The following ORC2 variants were observed in gnomAD, a reference collection of about 807,000 sequenced individuals.
ORC2 encodes the protein origin recognition complex protein 2 homolog.
A neutral mutation model predicts 77.7 loss-of-function variants in ORC2; 37 were observed. That is an observed-to-expected ratio of 0.48 (90% CI 0.37 to 0.63). ORC2 has a LOEUF of 0.63. ORC2 is among the 20% of genes least tolerant of loss of function. ORC2 has a pLI of 0.00. For synonymous variants in ORC2, 201 were observed against 229.5 expected, an observed-to-expected ratio of 0.88 and a Z score of 1.12; for missense variants, 557 against 661.9, an observed-to-expected ratio of 0.84 and a Z score of 1.74.
chr2:200,944,991 C>T (rs571627176), intron 5 of ORC2, among the ~76,000 whole-genome samples: 1 of 152,308 alleles, frequency 6.6e-6, no homozygotes, highest in South Asian at 2.1e-4. Flanking sequence ...CTTTATGTAG[C>T]CACACCATCC....
chr2:200,941,698 T>C (rs2041154951), intron 6 of ORC2, among the ~76,000 whole-genome samples: 1 of 151,892 alleles, frequency 6.6e-6, no homozygotes, highest in Admixed American at 6.6e-5. Flanking sequence ...TATTGAAAAG[T>C]ACAACTGTCC....
chr2:200,918,793 G>C lies in ORC2; in HGVS notation c.1466+1429C>G, dbSNP rs184256587. Among the ~76,000 whole-genome samples, 26 of 152,166 alleles carry C rather than the reference G, an allele frequency of 1.7e-4. No homozygotes were observed. The East Asian group carries it at 4.6e-3, about 27-fold the overall frequency. ...TGTGAGCTACCACACCCAGCTGACT[G>C]TTTATTCTTTAGGAAACTAAATTTT... On this transcript the variant is annotated intron_variant, in intron 15 of 17. Coordinates refer to ENST00000234296, the MANE Select transcript of ORC2 (RefSeq NM_006190.5).
rs545925822 is a variant in ORC2, at chr2:200,909,872, C to G, written c.*1429G>C. 1 of 152,296 alleles carries G rather than the reference C, an allele frequency of 6.6e-6. No homozygotes were observed. Among genetic ancestry groups the G allele is most frequent in the South Asian group, 2.1e-4 (1 of 4,826 alleles). 9.4% of individuals were successfully genotyped at this position (152,296 alleles called of 1,614,324 possible). A position where few individuals can be genotyped will look rare whatever the true frequency, so the allele number is the denominator to read the frequency against. Reference sequence around the variant, plus strand: ...GAACCCCTGGGCTCAAGCGATCCTCCTGCCTCAGCCTCCACAGCAGCTAGG... The same window carrying G: ...GAACCCCTGGGCTCAAGCGATCCTCGTGCCTCAGCCTCCACAGCAGCTAGG... On this transcript the variant is annotated 3_prime_UTR_variant, in exon 18 of 18. Coordinates refer to ENST00000234296, the MANE Select transcript of ORC2 (RefSeq NM_006190.5).
rs924485785 is a variant in ORC2 at position 200,956,268 on chromosome 2, T to G, written c.238+1133A>C. Among the ~76,000 whole-genome samples the G allele has an allele frequency of 2.6e-5, 4 of 152,054 alleles. No homozygotes were observed. In the East Asian group the frequency reaches 7.8e-4, roughly 30 times the overall value. On this transcript the variant is annotated intron_variant, in intron 4 of 17. Transcript: ENST00000234296. ...TTTTTGAGACAGGGTCTCACTCTGTTGCCCAGGCTGGAGTGTAGTGGTATG... is the reference window on the plus strand; with the variant it reads ...TTTTTGAGACAGGGTCTCACTCTGTGGCCCAGGCTGGAGTGTAGTGGTATG...
chr2:200,922,973 G>T (rs1390199978), intron 13 of ORC2, among the ~76,000 whole-genome samples: 2 of 152,144 alleles, frequency 1.3e-5, no homozygotes, highest in Non-Finnish European at 2.9e-5. Context: ...AAGGTTGAAA[G>T]AACTGAAAAC....
Position 200,941,360 on chromosome 2 carries a change from T to C in ORC2, c.422-81A>G, listed in dbSNP as rs905167999. ...GGTCTAGTTTCATTAAAAGTAAAGT[T>C]TGCCAGGCATGGTGGCTCACATCTG... On this transcript the variant is annotated intron_variant, in intron 6 of 17. Coordinates refer to ENST00000234296, the MANE Select transcript of ORC2 (RefSeq NM_006190.5). 6 of 1,306,484 alleles carry C rather than the reference T, an allele frequency of 4.6e-6. No individual in the cohort carries two copies. The Admixed American group carries it at 5.3e-5, about 12-fold the overall frequency. The allele number at this position is 1,306,484 out of a possible 1,614,324, so 80.9% of individuals were successfully genotyped here.
At position 200,957,494 on chromosome 2, in the gene ORC2, T is replaced by C; in HGVS notation, c.145A>G (p.Ile49Val). Residue 49 changes from isoleucine (I) to valine (V), a missense_variant, in exon 4 of 18, where the codon ATA (isoleucine) becomes GTA (valine). Ile to Val is a conservative substitution (Grantham distance 29). Transcript: ENST00000234296. ...AAATCATATTCTGGCTTCTTTATTATTTTTTTGGGGTTGACCAAAAGCTGC... is the reference window on the plus strand; with the variant it reads ...AAATCATATTCTGGCTTCTTTATTACTTTTTTGGGGTTGACCAAAAGCTGC... ...RAQLLVNPKK[I>V]IKKPEYDLEE... The C allele has an allele frequency of 1.2e-6, 2 of 1,608,302 alleles. No individual in the cohort carries two copies. Among genetic ancestry groups the C allele is most frequent in the African/African-American group, 2.7e-5 (2 of 74,752 alleles).
At chr2:200,947,490 C>A (rs1459887245) in intron 5 of ORC2, among the ~76,000 whole-genome samples, 1 of 152,106 alleles carries the variant, frequency 6.6e-6, no homozygotes, top group Non-Finnish European at 1.5e-5. Context: ...TAAAAACAAA[C>A]CACTGAAGAA....
chr2:200,918,916 G>A (rs897305813), intron 15 of ORC2, among the ~76,000 whole-genome samples: 2 of 152,124 alleles, frequency 1.3e-5, no homozygotes, highest in African/African-American at 4.8e-5. Flanking sequence ...TATCACCCAG[G>A]CTGGAGTGCA....
At chr2:200,927,740 C>G (rs1034547153) in intron 11 of ORC2, among the ~76,000 whole-genome samples, 1 of 151,256 alleles carries the variant, frequency 6.6e-6, no homozygotes, top group Non-Finnish European at 1.5e-5. Flanking sequence ...CTCTGTCGCC[C>G]AGGCTGGAGT....
At chr2:200,919,506 G>A (rs910777741) in intron 15 of ORC2, among the ~76,000 whole-genome samples, 8 of 152,110 alleles carry the variant, frequency 5.3e-5, no homozygotes, top group African/African-American at 1.9e-4. Context: ...CTACAGGTGC[G>A]TGCCACCACA....
chr2:200,918,324 A>T (rs906680293), intron 15 of ORC2, among the ~76,000 whole-genome samples: 1 of 152,102 alleles, frequency 6.6e-6, no homozygotes, highest in African/African-American at 2.4e-5. Context: ...ATTTATTTTT[A>T]AATTCTGTCT....
chr2:200,935,268 A>T (rs1220305072), intron 9 of ORC2, among the ~76,000 whole-genome samples: 4 of 152,154 alleles, frequency 2.6e-5, no homozygotes, highest in African/African-American at 9.7e-5. Context: ...GATTACAGGC[A>T]CACATCACCA....
intron 2 of ORC2, 129 bp from the exon 3 acceptor site, chr2:200,958,262 T>C (rs1472094559): frequency 1.7e-6 from 1 of 580,310 alleles, no homozygotes; most frequent in African/African-American, 1.9e-5. Context: ...AAAAAATACA[T>C]TATGCATTAC....
chr2:200,913,162 C>T, intron 17 of ORC2, 133 bp downstream of exon 17: 1 of 566,852 alleles, frequency 1.8e-6, no homozygotes, highest in Non-Finnish European at 2.9e-6. Context: ...AATGGCACAT[C>T]CCCTAAATGA....
intron 4 of ORC2, among the ~76,000 whole-genome samples, 158 bp downstream of exon 4, chr2:200,957,243 A>C (rs2041483330): frequency 6.6e-6 from 1 of 152,246 alleles, no homozygotes; most frequent in Non-Finnish European, 1.5e-5. Flanking sequence ...TGGTTGTTAA[A>C]AAAAAGAACT....
At position 200,913,381 on chromosome 2, in the gene ORC2, G is replaced by A. The variant is rs774227899; in HGVS notation, c.1561C>T (p.Arg521Trp). The part of the protein sequence containing the change: ...LSFQDFYQQC[R>W]EAFLVNSDLT... The stretch of plus-strand genomic sequence containing the variant: ...TCACTATTGACGAGGAATGCCTCCC[G>A]ACACTGCTGGTAAAAATCTTGAAAA... The change falls in exon 17 of 18, where the codon CGG (arginine) becomes TGG (tryptophan). Residue 521 changes from arginine to tryptophan, a missense_variant. By Grantham distance (101) the Arg-to-Trp change is moderately radical. Transcript: ENST00000234296. The A allele has an allele frequency of 4.9e-5, 78 of 1,595,810 alleles. No homozygotes were observed. The highest frequency in any genetic ancestry group is 8.8e-5 in the South Asian group (8 of 90,766).
chr2:200,948,668 T>C (rs1363576139), intron 5 of ORC2, among the ~76,000 whole-genome samples: 1 of 152,030 alleles, frequency 6.6e-6, no homozygotes, highest in East Asian at 2.0e-4. Context: ...GTTCAAGTGA[T>C]TCTCCTGCCT....
At chr2:200,913,754 C>T in intron 16 of ORC2, 177 bp downstream of exon 16, 1 of 1,389,562 alleles carries the variant, frequency 7.2e-7, no homozygotes, top group Non-Finnish European at 9.3e-7. Context: ...AAACACCTTG[C>T]TCAGCAGTGG....
Sources: allele counts gnomAD v4.1 joint callset (sites outside exome capture counted in the v4.1 genomes callset), GRCh38; gene constraint gnomAD v4.1.1; transcripts MANE v1.5; gene names NCBI Gene and HGNC (gene_info 2026-07-23, HGNC 2026-07-21).